The following FBXO27 variants were observed in gnomAD, a reference collection of about 807,000 sequenced individuals.
FBXO27 encodes the protein F-box protein 27, also known as F-box only protein 27.
Under a neutral mutation model 28.3 loss-of-function variants are expected in FBXO27, and 28 were observed. The observed-to-expected ratio is 0.99, with a 90% CI of 0.73 to 1.36. The LOEUF (loss-of-function observed/expected upper bound fraction) is 1.36. Among genes scored for constraint, FBXO27 ranks in the 40% most tolerant of loss-of-function variants. The probability of loss-of-function intolerance (pLI) is 0.00; values close to 1 mark genes in which losing one functional copy is unlikely to be tolerated. For missense variants in FBXO27, 388 were observed against 394.1 expected, an observed-to-expected ratio of 0.98 and a Z score of 0.13; for synonymous variants, 175 against 167.3, an observed-to-expected ratio of 1.05 and a Z score of -0.36.
In FBXO27 at chr19:39,032,015, C is replaced by G; in HGVS notation, c.213G>C (p.Leu71=). Residue 71 remains leucine, a synonymous_variant, in exon 2 of 6, where the codon CTG becomes CTC. Coordinates refer to ENST00000292853, the MANE Select transcript of FBXO27 (RefSeq NM_178820.5). This position sits in a 1 kb window ranked among gnomAD's most constrained non-coding sequence, Gnocchi z 4.7. ...VDGQALWLLI[L]ARDHGATGRA... ...GGCCGGTGGCGCCGTGGTCGCGGGC[C>G]AGGATCAGCAGCCACAGGGCCTGGC... 2 of 1,523,864 alleles carry G rather than the reference C, an allele frequency of 1.3e-6. No homozygotes were observed. The highest frequency in any genetic ancestry group is 1.7e-6 in the Non-Finnish European group (2 of 1,143,312). 94.4% of individuals were successfully genotyped at this position (1,523,864 alleles called of 1,614,324 possible).
intron 1 of FBXO27, among the ~76,000 whole-genome samples, chr19:39,018,665 G>C (rs1307643903): frequency 6.6e-6 from 1 of 152,110 alleles, no homozygotes; most frequent in Non-Finnish European, 1.5e-5. Flanking sequence ...GATGAATTCA[G>C]CATTGAGGAG....
chr19:39,023,403 A>C (rs1481798628), downstream of FBXO27, among the ~76,000 whole-genome samples: 2 of 152,196 alleles, frequency 1.3e-5, no homozygotes, highest in Admixed American at 1.3e-4. Context: ...AGTTGGAGGA[A>C]AGAGCACCTA....
downstream of FBXO27, among the ~76,000 whole-genome samples, chr19:39,020,754 G>GGGAAA (rs770001707): frequency 1.3e-4 from 2 of 15,718 alleles, no homozygotes; most frequent in Admixed American, 4.5e-4. Context: ...TGTGGATATG[G>GGGAAA]CAAAAAAAAA....
chr19:39,032,096 G>A lies in FBXO27; in HGVS notation c.132C>T (p.Arg44=). 6.5e-7 allele frequency: 1 copy of A among 1,532,730 alleles called. No individual in the cohort carries two copies. The allele number at this position is 1,532,730 out of a possible 1,614,324, so 94.9% of individuals were successfully genotyped here. ...LLVVLSHVPP[R]TLLGRCRQVC... ...CTTGGCGGCAGCGCCCGAGCAGCGT[G>A]CGCGGGGGGACGTGGCTCAGCACCA... Residue 44 remains arginine (R), a synonymous_variant, in exon 2 of 6, where the codon CGC becomes CGT. Transcript: ENST00000292853. The surrounding 1 kb of genome is among the most constrained non-coding windows in gnomAD (Gnocchi z 4.7).
At chr19:39,020,910 G>T (rs1430889544), downstream of FBXO27, among the ~76,000 whole-genome samples, 1 of 151,608 alleles carries the variant, frequency 6.6e-6, no homozygotes, top group Admixed American at 6.6e-5. Flanking sequence ...GCTGGAGTGC[G>T]GTAGCAAAAT....
intron 2 of FBXO27, among the ~76,000 whole-genome samples, chr19:39,031,577 C>G (rs922590458): frequency 6.6e-6 from 1 of 152,064 alleles, no homozygotes; most frequent in Admixed American, 6.6e-5. Flanking sequence ...ACTCCCACCC[C>G]TCCCACAGGC....
intron 2 of FBXO27, among the ~76,000 whole-genome samples, chr19:39,011,391 C>T (rs1046515957): frequency 1.3e-5 from 2 of 152,030 alleles, no homozygotes; most frequent in South Asian, 2.1e-4. Context: ...GAGACTGTGC[C>T]GCTGGACTCC....
At chr19:39,018,113 T>C (rs2072828339) in intron 1 of FBXO27, among the ~76,000 whole-genome samples, 1 of 149,670 alleles carries the variant, frequency 6.7e-6, no homozygotes, top group South Asian at 2.1e-4. Context: ...CCCAAGTAAC[T>C]GGGCTTACAG....
chr19:39,029,168 G>A (rs1041407493), intron 4 of FBXO27, among the ~76,000 whole-genome samples: 4 of 151,666 alleles, frequency 2.6e-5, no homozygotes, highest in Non-Finnish European at 5.9e-5. Context: ...GCTTATGCCT[G>A]TAATCCCGGC....
At chr19:39,014,872 A>G (rs544539854) in intron 1 of FBXO27, among the ~76,000 whole-genome samples, 3 of 151,862 alleles carry the variant, frequency 2.0e-5, no homozygotes, top group African/African-American at 7.2e-5. Flanking sequence ...CTTAAAACTC[A>G]TCAATAAGGG....
At chr19:39,022,341 A>G (rs376746895), downstream of FBXO27, among the ~76,000 whole-genome samples, 9 of 151,582 alleles carry the variant, frequency 5.9e-5, no homozygotes, top group African/African-American at 2.2e-4. Flanking sequence ...GGGTCTCACT[A>G]TGTTGCCTAG....
intron 1 of FBXO27, among the ~76,000 whole-genome samples, chr19:39,017,135 C>A (rs2072824077): frequency 6.6e-6 from 1 of 152,120 alleles, no homozygotes; most frequent in Non-Finnish European, 1.5e-5. Context: ...TTATTTCCAT[C>A]CAGAGATTGC....
chr19:39,012,965 AAACAAACAAACAAACAAACG>A (rs905649664), intron 2 of FBXO27, among the ~76,000 whole-genome samples: 1 of 123,634 alleles, frequency 8.1e-6, no homozygotes. Flanking sequence ...GTCTCAAAAC[AAACAAACAAACAAACAAACG>A]AACAAACAAA....
chr19:39,011,690 CGG>C (rs1568457077), intron 2 of FBXO27, among the ~76,000 whole-genome samples: 6 of 10,598 alleles, frequency 5.7e-4, no homozygotes, highest in South Asian at 8.3e-3. Context: ...GCAGAGATGG[CGG>C]CGGGGGAGGG....
chr19:39,013,487 A>C (rs1449898350), intron 2 of FBXO27, among the ~76,000 whole-genome samples: 1 of 151,656 alleles, frequency 6.6e-6, no homozygotes, highest in Non-Finnish European at 1.5e-5. Context: ...AAAATTAGCC[A>C]GGCATGGTGG....
In FBXO27 at chr19:39,032,184, G is replaced by A; in HGVS notation, c.44C>T (p.Ala15Val). 6.7e-7 allele frequency: 1 copy of A among 1,495,880 alleles called. No homozygotes were observed. The highest frequency in any genetic ancestry group is 8.9e-7 in the Non-Finnish European group (1 of 1,127,002). The allele number at this position is 1,495,880 out of a possible 1,614,324, so 92.7% of individuals were successfully genotyped here. A position where few individuals can be genotyped will look rare whatever the true frequency, so the allele number is the denominator to read the frequency against. Residue 15 changes from alanine to valine, a missense_variant, in exon 2 of 6, where the codon GCG becomes GTG. By Grantham distance (64) the Ala-to-Val change is moderately conservative. Coordinates refer to ENST00000292853, the MANE Select transcript of FBXO27 (RefSeq NM_178820.5). This position sits in a 1 kb window ranked among gnomAD's most constrained non-coding sequence, Gnocchi z 4.7. The stretch of plus-strand genomic sequence containing the variant: ...CGCCTCTTCGGGTTCCGGCTCCGGC[G>A]CGGGGACCCGGGCGGCCCGGCCCCT... ...VSRGRAARVP[A>V]PEPEPEEALD... is the part of the protein sequence containing the mutation.
chr19:39,022,502 A>G (rs2072850332), downstream of FBXO27, among the ~76,000 whole-genome samples: 1 of 151,880 alleles, frequency 6.6e-6, no homozygotes, highest in African/African-American at 2.4e-5. Flanking sequence ...GCTGGAGTGC[A>G]GTGGTGTGAT....
At chr19:39,030,399 C>T (rs1488922478) in intron 4 of FBXO27, 2 of 152,732 alleles carry the variant, frequency 1.3e-5, no homozygotes, top group Non-Finnish European at 1.5e-5. Flanking sequence ...GCTCCAGAAC[C>T]TAAGCTCTTG....
At chr19:39,022,679 C>T (rs1006834751), downstream of FBXO27, among the ~76,000 whole-genome samples, 4 of 152,148 alleles carry the variant, frequency 2.6e-5, no homozygotes, top group East Asian at 5.8e-4. Context: ...TTCAGTGGAG[C>T]GATCTTGGAT....
Sources: allele counts gnomAD v4.1 joint callset (sites outside exome capture counted in the v4.1 genomes callset), GRCh38; gene constraint gnomAD v4.1.1; non-coding constraint Gnocchi (gnomAD v3.1); transcripts MANE v1.5; gene names NCBI Gene and HGNC (gene_info 2026-07-23, HGNC 2026-07-21).